NFIB: variants seen among roughly 807,000 people sequenced by gnomAD.
NFIB encodes nuclear factor I B.
In NFIB, 11 loss-of-function variants were observed where a neutral mutation model predicts 61.5. The ratio of observed to expected loss-of-function variants is 0.18; its 90% CI spans 0.11 to 0.30. The LOEUF (loss-of-function observed/expected upper bound fraction) is 0.30, where lower values mean the gene tolerates loss of function less well. Among genes scored for constraint, NFIB ranks in the 10% least tolerant of loss-of-function variants. The probability of loss-of-function intolerance (pLI) is 1.00; values close to 1 mark genes in which losing one functional copy is unlikely to be tolerated. For missense variants in NFIB, 471 were observed against 608.9 expected (o/e 0.77, Z 2.38); for synonymous variants, 260 against 216.5 (o/e 1.20, Z -1.76).
chr9:14,156,145 C>T (rs997062267), intron 3 of NFIB, among the ~76,000 whole-genome samples: 1 of 152,046 alleles, frequency 6.6e-6, no homozygotes, highest in African/African-American at 2.4e-5. Context: ...TTTATTGATG[C>T]GGTTTGATTT....
chr9:14,352,205 A>G (rs997800535), intron 1 of NFIB, among the ~76,000 whole-genome samples: 1 of 152,182 alleles, frequency 6.6e-6, no homozygotes, highest in Non-Finnish European at 1.5e-5. Flanking sequence ...AACAGCATAA[A>G]ATGAAAGTAA....
At chr9:14,335,949 G>C (rs1332614994) in intron 1 of NFIB, among the ~76,000 whole-genome samples, 1 of 152,314 alleles carries the variant, frequency 6.6e-6, no homozygotes, top group Non-Finnish European at 1.5e-5. Context: ...ACTGAATCGA[G>C]TTCAAACCTT....
At chr9:14,280,975 C>T (rs1325557968) in intron 2 of NFIB, among the ~76,000 whole-genome samples, 2 of 152,074 alleles carry the variant, frequency 1.3e-5, no homozygotes, top group African/African-American at 2.4e-5. Context: ...GCAATTATGG[C>T]AATACATAAG....
chr9:14,170,697 C>T (rs2045472595), intron 3 of NFIB, among the ~76,000 whole-genome samples: 2 of 152,046 alleles, frequency 1.3e-5, no homozygotes, highest in African/African-American at 4.8e-5. Flanking sequence ...ACAACACTGC[C>T]CAGAACAGCA....
intron 2 of NFIB, among the ~76,000 whole-genome samples, chr9:14,232,926 C>G (rs1005810066): frequency 1.3e-5 from 2 of 152,142 alleles, no homozygotes; most frequent in East Asian, 3.8e-4. Context: ...AAGCAGAGTC[C>G]ACAGTGGCCA....
intron 3 of NFIB, among the ~76,000 whole-genome samples, chr9:14,170,396 C>T (rs1306994727): frequency 2.0e-5 from 3 of 152,112 alleles, no homozygotes; most frequent in Admixed American, 1.3e-4. Flanking sequence ...AATCCCAACA[C>T]TTTGGGAGGC....
chr9:14,437,993 G>T, the NFIB span, among the ~76,000 whole-genome samples: 2 of 148,930 alleles, frequency 1.3e-5, no homozygotes, highest in African/African-American at 5.0e-5. Context: ...GTACTTTCTA[G>T]AACACCACCC....
At chr9:14,400,512 A>G (rs1030991837), upstream of NFIB, among the ~76,000 whole-genome samples, 4 of 152,192 alleles carry the variant, frequency 2.6e-5, no homozygotes, top group African/African-American at 9.6e-5. Context: ...CATTCTATCC[A>G]TGCTGAGTAA....
chr9:14,197,217 A>G (rs576892731), intron 2 of NFIB, among the ~76,000 whole-genome samples: 1 of 152,322 alleles, frequency 6.6e-6, no homozygotes, highest in South Asian at 2.1e-4. Context: ...TTGATTTTTC[A>G]TTGCATTTCC....
rs1012588653 is a variant in NFIB, at chr9:14,083,124, A to G, written c.*5185T>C. On this transcript the variant is annotated 3_prime_UTR_variant, in exon 11 of 11. Coordinates refer to ENST00000380953, the MANE Select transcript of NFIB (RefSeq NM_001190737.2). The stretch of plus-strand genomic sequence containing the variant: ...AAAAAAAAAAAAACTACTTACAACC[A>G]TTGAAGAAAAAATTGCAACAAAAAA... The G allele has an allele frequency of 9.3e-6, 2 of 214,220 alleles. No individual in the cohort carries two copies. The highest frequency in any genetic ancestry group is 4.5e-5 in the African/African-American group (2 of 44,034). 13.3% of individuals were successfully genotyped at this position (214,220 alleles called of 1,614,324 possible).
At chr9:14,440,012 G>T in the NFIB span, among the ~76,000 whole-genome samples, 1 of 152,202 alleles carries the variant, frequency 6.6e-6, no homozygotes, top group Non-Finnish European at 1.5e-5. Context: ...GGAGCTGGAA[G>T]TCCTTCCTCA....
At chr9:14,140,662 G>A (rs961560619) in intron 6 of NFIB, among the ~76,000 whole-genome samples, 13 of 152,174 alleles carry the variant, frequency 8.5e-5, no homozygotes, top group African/African-American at 3.1e-4. Flanking sequence ...AGCCTGGTGT[G>A]GTGCCTCACA....
intron 1 of NFIB, among the ~76,000 whole-genome samples, chr9:14,354,929 G>A (rs766497937): frequency 5.3e-5 from 8 of 152,006 alleles, no homozygotes; most frequent in Non-Finnish European, 8.8e-5. Flanking sequence ...TTCCTTGTGC[G>A]GCAGGGGAGG....
intron 1 of NFIB, among the ~76,000 whole-genome samples, chr9:14,388,200 A>T (rs2061571999): frequency 6.6e-6 from 1 of 152,122 alleles, no homozygotes; most frequent in Non-Finnish European, 1.5e-5. Flanking sequence ...GCAAAAGCAT[A>T]ATGTTCAGTA....
At chr9:14,285,105 G>C (rs2058624686) in intron 2 of NFIB, among the ~76,000 whole-genome samples, 1 of 152,152 alleles carries the variant, frequency 6.6e-6, no homozygotes, top group South Asian at 2.1e-4. Context: ...ATAAATTAAA[G>C]ATAAAACAAA....
At chr9:14,492,372 A>AAATAAATG in the NFIB span, among the ~76,000 whole-genome samples, 14 of 151,146 alleles carry the variant, frequency 9.3e-5, no homozygotes, top group African/African-American at 3.4e-4. Flanking sequence ...CAAAATAAAT[A>AAATAAATG]AATAAATAAA....
In NFIB at chr9:14,120,905, T is replaced by C. The variant is rs891261735; in HGVS notation, c.1061-281A>G. On this transcript the variant is annotated intron_variant, in intron 7 of 10. Coordinates refer to ENST00000380953, the MANE Select transcript of NFIB (RefSeq NM_001190737.2). The surrounding 1 kb of genome is among the most constrained non-coding windows in gnomAD (Gnocchi z 4.4). ...ATCAGTTTCTCTTTTATAGGTTATGTCAATACTTGATAAAACACTTCTTTG... is the reference window on the plus strand; with the variant it reads ...ATCAGTTTCTCTTTTATAGGTTATGCCAATACTTGATAAAACACTTCTTTG... Among the ~76,000 whole-genome samples, 1 of 152,196 alleles carries C rather than the reference T, an allele frequency of 6.6e-6. No individual in the cohort carries two copies. Among genetic ancestry groups the C allele is most frequent in the African/African-American group, 2.4e-5 (1 of 41,460 alleles).
chr9:14,209,525 T>A (rs1023504278), intron 2 of NFIB, among the ~76,000 whole-genome samples: 3 of 152,258 alleles, frequency 2.0e-5, no homozygotes, highest in African/African-American at 7.2e-5. Context: ...GCACAGTCCA[T>A]TAACTCTTTG....
At chr9:14,224,064 G>C (rs10961430) in intron 2 of NFIB, among the ~76,000 whole-genome samples, 73,001 of 152,118 alleles carry the variant, frequency 0.48, 21,420 homozygotes, top group Non-Finnish European at 0.67. Flanking sequence ...AAAACAAACA[G>C]TAAAATGTCC....
Sources: allele counts gnomAD v4.1 joint callset (sites outside exome capture counted in the v4.1 genomes callset), GRCh38; gene constraint gnomAD v4.1.1; non-coding constraint Gnocchi (gnomAD v3.1); transcripts MANE v1.5; gene names NCBI Gene and HGNC (gene_info 2026-07-23, HGNC 2026-07-21).